HEATR1: variants seen among roughly 807,000 people sequenced by gnomAD.
The protein encoded by HEATR1 is HEAT repeat-containing protein 1.
A neutral mutation model predicts 248.2 loss-of-function variants in HEATR1; 77 were observed. The ratio of observed to expected loss-of-function variants is 0.31; its 90% CI spans 0.26 to 0.37. The LOEUF is 0.37. Ranked by LOEUF, HEATR1 falls within the 10% of genes least tolerant of loss-of-function variation. The probability of loss-of-function intolerance (pLI) is 1.00; values close to 1 mark genes in which losing one functional copy is unlikely to be tolerated. For missense variants in HEATR1, 2,420 were observed against 2,504.9 expected (o/e 0.97, Z 0.72); for synonymous variants, 897 against 923.1 (o/e 0.97, Z 0.51).
chr1:236,590,325 C>T lies in HEATR1; in HGVS notation c.1530+522G>A, dbSNP rs200007103. ...TCGCTGCAGCCTCAACCTCTCACAC[C>T]CAAGAGATCCTCCTACCTCAGCCTC... On this transcript the variant is annotated intron_variant, in intron 12 of 44. Coordinates refer to ENST00000366582, the MANE Select transcript of HEATR1 (RefSeq NM_018072.6). Among the ~76,000 whole-genome samples the T allele has an allele frequency of 2.6e-5, 4 of 152,142 alleles. No individual in the cohort carries two copies. The East Asian group carries it at 7.7e-4, about 29-fold the overall frequency.
chr1:236,567,931 C>T (rs1663317949), intron 29 of HEATR1, among the ~76,000 whole-genome samples: 3 of 152,222 alleles, frequency 2.0e-5, no homozygotes, highest in Admixed American at 1.3e-4. Context: ...AACCATTTTA[C>T]TCCAGGTATT....
chr1:236,565,071 C>T (rs1663233875), intron 31 of HEATR1, among the ~76,000 whole-genome samples: 1 of 152,158 alleles, frequency 6.6e-6, no homozygotes, highest in African/African-American at 2.4e-5. Flanking sequence ...CTTCCTTACC[C>T]ACATCACCAC....
rs200142838 is a variant in HEATR1 at position 236,588,054 on chromosome 1, A to G, written c.1531-11T>C. ...TTCATCAACACCCTCCTGAGCAATA[A>G]AAGAAAAACATTAATTTAGCTGTTG... On this transcript the variant is annotated splice_polypyrimidine_tract_variant and intron_variant, in intron 12 of 44. Coordinates refer to ENST00000366582, the MANE Select transcript of HEATR1 (RefSeq NM_018072.6). 7 of 1,595,734 alleles carry G rather than the reference A, an allele frequency of 4.4e-6. No individual in the cohort carries two copies. Among genetic ancestry groups the G allele is most frequent in the Non-Finnish European group, 6.0e-6 (7 of 1,169,442 alleles).
At chr1:236,564,966 G>T in intron 31 of HEATR1, among the ~76,000 whole-genome samples, 1 of 152,326 alleles carries the variant, frequency 6.6e-6, no homozygotes, top group South Asian at 2.1e-4. Context: ...CCAACTGCAG[G>T]TGTAGATTTC....
chr1:236,554,946 C>T (rs1662915964), intron 41 of HEATR1, among the ~76,000 whole-genome samples, 194 bp from the exon 42 acceptor site: 1 of 152,180 alleles, frequency 6.6e-6, no homozygotes, highest in African/African-American at 2.4e-5. Context: ...AGTTAAGATT[C>T]TAACACTCAC....
chr1:236,581,643 G>T (rs550223769), intron 19 of HEATR1, among the ~76,000 whole-genome samples: 1 of 152,274 alleles, frequency 6.6e-6, no homozygotes, highest in South Asian at 2.1e-4. Context: ...TGAAAACACA[G>T]AACCAAGACA....
At chr1:236,562,302 A>G (rs1572035003) in intron 32 of HEATR1, among the ~76,000 whole-genome samples, 1 of 152,342 alleles carries the variant, frequency 6.6e-6, no homozygotes, top group East Asian at 1.9e-4. Flanking sequence ...TATTGAATCA[A>G]AATTTTAAAG....
rs74152012 is a variant in HEATR1 at position 236,560,439 on chromosome 1, G to A, written c.4647-602C>T. On this transcript the variant is annotated intron_variant, in intron 33 of 44. Coordinates refer to ENST00000366582, the MANE Select transcript of HEATR1 (RefSeq NM_018072.6). The stretch of plus-strand genomic sequence containing the variant: ...ATCCCCCCACTGCTGCCAGCCTGAG[G>A]GGGGAGCTAGAGGGAAGAGTGGAGA... 2.6e-3 allele frequency among the ~76,000 whole-genome samples: 395 copies of A among 152,296 alleles called. 2 individuals are homozygous for A. The highest frequency in any genetic ancestry group is 9.0e-3 in the African/African-American group (375 of 41,562).
At chr1:236,597,068 T>C (rs2564737) in intron 5 of HEATR1, 92 bp from the exon 6 acceptor site, 730,077 of 1,186,168 alleles carry the variant, frequency 0.62, 230,472 homozygotes, top group Non-Finnish European at 0.66. Context: ...GAGATTTCAA[T>C]GAACTATGAT....
chr1:236,575,125 C>CA (rs1468833128), intron 22 of HEATR1, among the ~76,000 whole-genome samples: 1 of 152,152 alleles, frequency 6.6e-6, no homozygotes, highest in Non-Finnish European at 1.5e-5. Flanking sequence ...CTAAACCCTT[C>CA]AGAGATGAGC....
chr1:236,574,920 T>A lies in HEATR1; in HGVS notation c.3085-17A>T. On this transcript the variant is annotated splice_polypyrimidine_tract_variant and intron_variant, in intron 22 of 44. Coordinates refer to ENST00000366582, the MANE Select transcript of HEATR1 (RefSeq NM_018072.6). ...AAGCACCATCTAAAGATCCAAAGAC[T>A]TAGTAGTAAATAGTTATGTATACTG... The A allele has an allele frequency of 6.2e-7, 1 of 1,609,218 alleles. No individual in the cohort carries two copies. The highest frequency in any genetic ancestry group is 8.5e-7 in the Non-Finnish European group (1 of 1,178,068).
chr1:236,555,469 A>G lies in HEATR1; in HGVS notation c.5755-5T>C. ...TGTTTTAGCCCAATCAAACAGCTGA[A>G]AGGATAAGACAGTATTAGTTTCTTC... On this transcript the variant is annotated splice_polypyrimidine_tract_variant and splice_region_variant and intron_variant, in intron 40 of 44. Transcript: ENST00000366582. The G allele has an allele frequency of 6.2e-7, 1 of 1,614,216 alleles. No individual in the cohort carries two copies. The highest frequency in any genetic ancestry group is 8.5e-7 in the Non-Finnish European group (1 of 1,180,016).
rs772757637 is a variant in HEATR1, at chr1:236,550,962, G to A, written c.6375C>T (p.Cys2125=). ...EDECEEVEHQ[C]QKTIQQLETV... is the part of the protein sequence containing the mutation. Reference sequence around the variant, plus strand: ...TTTCCAGTTGCTGAATAGTCTTTTGGCACTGATGTTCTACTTCTTCACATT... The same window carrying A: ...TTTCCAGTTGCTGAATAGTCTTTTGACACTGATGTTCTACTTCTTCACATT... The change falls in exon 45 of 45, where the codon TGC becomes TGT. Residue 2125 remains cysteine (C), a synonymous_variant. Transcript: ENST00000366582. 8 of 1,570,356 alleles carry A rather than the reference G, an allele frequency of 5.1e-6. No individual in the cohort carries two copies. Among genetic ancestry groups the A allele is most frequent in the East Asian group, 2.2e-5 (1 of 44,602 alleles).
rs149288116 is a variant in HEATR1 at position 236,572,524 on chromosome 1, T to C, written c.3594A>G (p.Glu1198=). Residue 1198 remains glutamate (E), a synonymous_variant, in exon 26 of 45, where the codon GAA becomes GAG. Transcript: ENST00000366582. ...KKSQDLESVQ[E]VGGSYWQRVT... is the part of the protein sequence containing the mutation. ...CTCTTTGCCAGTAAGAACCTCCAAC[T>C]TCCTGAACAGATTCTAGATCTTGTG... The C allele has an allele frequency of 6.8e-6, 11 of 1,613,950 alleles. No homozygotes were observed. The African/African-American group carries it at 8.0e-5, about 12-fold the overall frequency.
intron 37 of HEATR1, among the ~76,000 whole-genome samples, chr1:236,556,538 G>A (rs1221345821): frequency 1.3e-5 from 2 of 152,168 alleles, no homozygotes; most frequent in Non-Finnish European, 2.9e-5. Flanking sequence ...GGAATGCAAG[G>A]GACCACGGCA....
chr1:236,555,860 G>A lies in HEATR1; in HGVS notation c.5594C>T (p.Ser1865Phe), dbSNP rs1220374257. The A allele has an allele frequency of 6.2e-7, 1 of 1,613,994 alleles. No individual in the cohort carries two copies. The highest frequency in any genetic ancestry group is 1.1e-5 in the South Asian group (1 of 91,082). The change falls in exon 39 of 45, where the codon TCT becomes TTT. Residue 1865 changes from serine (S) to phenylalanine (F), a missense_variant. By Grantham distance (155) the Ser-to-Phe change is radical. Transcript: ENST00000366582. ...TTCCAGGAAAAAGGCGGTTAGCTGA[G>A]ACTGATGGGAGGTGAGCTCTTCCTT... is the stretch of plus-strand genomic sequence containing the variant. ...MKKEELTSHQ[S>F]QLTAFFLEAL... is the part of the protein sequence containing the mutation.
At chr1:236,596,357 A>G (rs1356231541) in intron 6 of HEATR1, among the ~76,000 whole-genome samples, 1 of 152,208 alleles carries the variant, frequency 6.6e-6, no homozygotes, top group African/African-American at 2.4e-5. Flanking sequence ...GACCTCAATC[A>G]GATCACTAAT....
chr1:236,566,172 C>T, intron 30 of HEATR1, 127 bp from the exon 31 acceptor site: 3 of 835,796 alleles, frequency 3.6e-6, no homozygotes. Context: ...GGGTCGAGAT[C>T]TACTCCCAGA....
intron 5 of HEATR1, among the ~76,000 whole-genome samples, chr1:236,597,191 T>C (rs982931959): frequency 4.0e-5 from 6 of 151,064 alleles, no homozygotes; most frequent in African/African-American, 7.3e-5. Context: ...TATGCAACAA[T>C]GAATACACAA....
Sources: allele counts gnomAD v4.1 joint callset (sites outside exome capture counted in the v4.1 genomes callset), GRCh38; gene constraint gnomAD v4.1.1; transcripts MANE v1.5; gene names NCBI Gene and HGNC (gene_info 2026-07-23, HGNC 2026-07-21).